Variants in EFNA5 observed in about 807,000 individuals in gnomAD.
EFNA5 encodes ephrin A5.
A neutral mutation model predicts 22.9 loss-of-function variants in EFNA5; 5 were observed. That is an observed-to-expected ratio of 0.22 (90% CI 0.11 to 0.46). EFNA5 has a LOEUF of 0.46. Among genes scored for constraint, EFNA5 ranks in the 20% least tolerant of loss-of-function variants. EFNA5 has a pLI of 0.99. For synonymous variants in EFNA5, 113 were observed against 112.2 expected, an observed-to-expected ratio of 1.01 and a Z score of -0.04; for missense variants, 237 against 293.3, an observed-to-expected ratio of 0.81 and a Z score of 1.40.
At chr5:107,516,718 A>G (rs1006608615) in intron 1 of EFNA5, among the ~76,000 whole-genome samples, 1 of 152,202 alleles carries the variant, frequency 6.6e-6, no homozygotes, top group African/African-American at 2.4e-5. Context: ...AATCTAAACC[A>G]TGTGTGACAG....
chr5:107,471,745 G>A (rs569308029), intron 1 of EFNA5, among the ~76,000 whole-genome samples: 1 of 152,300 alleles, frequency 6.6e-6, no homozygotes, highest in East Asian at 1.9e-4. Flanking sequence ...TACAACAGCT[G>A]AAAAGATGTA....
At chr5:107,667,126 T>A (rs936560870) in intron 1 of EFNA5, among the ~76,000 whole-genome samples, 1 of 152,106 alleles carries the variant, frequency 6.6e-6, no homozygotes, top group East Asian at 1.9e-4. Context: ...GTAAAACTTA[T>A]ACAAGTTTTC....
At chr5:107,494,431 GC>G (rs994720997) in intron 1 of EFNA5, among the ~76,000 whole-genome samples, 1 of 152,218 alleles carries the variant, frequency 6.6e-6, no homozygotes, top group African/African-American at 2.4e-5. Context: ...AGCAGCGCCA[GC>G]CCACTGGCGC....
At chr5:107,404,922 T>A (rs1372180128) in intron 2 of EFNA5, among the ~76,000 whole-genome samples, 1 of 152,206 alleles carries the variant, frequency 6.6e-6, no homozygotes, top group Non-Finnish European at 1.5e-5. Context: ...CTATGCATAT[T>A]TTCTAATCAG....
intron 1 of EFNA5, among the ~76,000 whole-genome samples, chr5:107,562,225 T>G (rs561776434): frequency 6.6e-6 from 1 of 152,202 alleles, no homozygotes; most frequent in Admixed American, 6.5e-5. Context: ...TGCCACAATG[T>G]TTACAAGCTC....
At position 107,377,053 on chromosome 5, in the gene EFNA5, A is replaced by C. The variant is rs1747282167; in HGVS notation, c.*4202T>G. 1 of 151,902 alleles carries C rather than the reference A, an allele frequency of 6.6e-6. No individual in the cohort carries two copies. The highest frequency in any genetic ancestry group is 1.5e-5 in the Non-Finnish European group (1 of 68,012). The allele number at this position is 151,902 out of a possible 1,614,324, so 9.4% of individuals were successfully genotyped here. A position where few individuals can be genotyped will look rare whatever the true frequency, so the allele number is the denominator to read the frequency against. ...CAGCATTTCAAAACAGCACTCGATGAGTAAGTGCAAAGGAACTGCAAAGCA... is the reference window on the plus strand; with the variant it reads ...CAGCATTTCAAAACAGCACTCGATGCGTAAGTGCAAAGGAACTGCAAAGCA... On this transcript the variant is annotated 3_prime_UTR_variant, in exon 5 of 5. Transcript: ENST00000333274.
At chr5:107,534,674 A>G (rs559612913) in intron 1 of EFNA5, among the ~76,000 whole-genome samples, 11 of 152,208 alleles carry the variant, frequency 7.2e-5, no homozygotes, top group Non-Finnish European at 1.5e-4. Flanking sequence ...AGAAGTGCCA[A>G]ACCTTAACCT....
intron 1 of EFNA5, among the ~76,000 whole-genome samples, chr5:107,445,907 T>C (rs1561389536): frequency 6.6e-6 from 1 of 152,236 alleles, no homozygotes; most frequent in South Asian, 2.1e-4. Context: ...TTCAACTTTA[T>C]CTTCATTTTT....
intron 1 of EFNA5, among the ~76,000 whole-genome samples, chr5:107,486,232 G>A (rs1457204387): frequency 6.6e-6 from 1 of 152,112 alleles, no homozygotes; most frequent in Non-Finnish European, 1.5e-5. Context: ...GAGCACCCAG[G>A]CCCTGCTAGA....
At chr5:107,401,510 A>T (rs1406156621) in intron 2 of EFNA5, among the ~76,000 whole-genome samples, 1 of 152,254 alleles carries the variant, frequency 6.6e-6, no homozygotes, top group Non-Finnish European at 1.5e-5. Flanking sequence ...TTTGAAGAAC[A>T]GCCTCTCCCC....
rs78487221 is a variant in EFNA5, at chr5:107,578,721, C to G, written c.125+91768G>C. Among the ~76,000 whole-genome samples, 466 of 152,196 alleles carry G rather than the reference C, an allele frequency of 3.1e-3. 4 individuals carry two copies. Among genetic ancestry groups the G allele is most frequent in the African/African-American group, 0.011 (455 of 41,520 alleles). ...TTCTCCCCAAACACACACACTCATACCCATGTACATTTGCCAAGCAGAATT... is the reference window on the plus strand; with the variant it reads ...TTCTCCCCAAACACACACACTCATAGCCATGTACATTTGCCAAGCAGAATT... On this transcript the variant is annotated intron_variant, in intron 1 of 4. Coordinates refer to ENST00000333274, the MANE Select transcript of EFNA5 (RefSeq NM_001962.3).
intron 1 of EFNA5, among the ~76,000 whole-genome samples, chr5:107,647,057 C>A (rs1392526237): frequency 6.6e-6 from 1 of 151,788 alleles, no homozygotes; most frequent in Non-Finnish European, 1.5e-5. Flanking sequence ...AAAATTTTTT[C>A]AAAAATAGCA....
At chr5:107,608,204 C>T (rs961519677) in intron 1 of EFNA5, among the ~76,000 whole-genome samples, 1 of 152,130 alleles carries the variant, frequency 6.6e-6, no homozygotes, top group Non-Finnish European at 1.5e-5. Flanking sequence ...ATGACAGATG[C>T]CGGCCTCTAG....
intron 1 of EFNA5, among the ~76,000 whole-genome samples, chr5:107,444,367 C>A (rs1561388780): frequency 6.6e-6 from 1 of 152,232 alleles, no homozygotes; most frequent in Non-Finnish European, 1.5e-5. Context: ...CCATTAGAAT[C>A]CTCGCTGACT....
chr5:107,572,944 G>A (rs987999446), intron 1 of EFNA5, among the ~76,000 whole-genome samples: 1 of 152,118 alleles, frequency 6.6e-6, no homozygotes, highest in Non-Finnish European at 1.5e-5. Flanking sequence ...TGGCTTGTGT[G>A]TTAAGCTCAT....
At chr5:107,476,058 T>A (rs6896097) in intron 1 of EFNA5, among the ~76,000 whole-genome samples, 1,928 of 40,566 alleles carry the variant, frequency 0.048, 371 homozygotes, top group African/African-American at 0.06. Context: ...ATATATATAT[T>A]TTTTTTTTTT....
At chr5:107,419,861 A>G (rs548957954) in intron 2 of EFNA5, among the ~76,000 whole-genome samples, 3 of 152,220 alleles carry the variant, frequency 2.0e-5, no homozygotes, top group African/African-American at 7.2e-5. Context: ...TAACAAAAGT[A>G]AAATGCACAC....
chr5:107,515,245 C>G (rs1049199818), intron 1 of EFNA5, among the ~76,000 whole-genome samples: 4 of 151,504 alleles, frequency 2.6e-5, no homozygotes, highest in African/African-American at 9.7e-5. Flanking sequence ...ACCATGTTGG[C>G]CAGGCTGGTC....
chr5:107,482,308 C>CAAAA (rs11400186), intron 1 of EFNA5, among the ~76,000 whole-genome samples: 9,954 of 136,998 alleles, frequency 0.073, 442 homozygotes, highest in East Asian at 0.13. Context: ...GATCTTGTCT[C>CAAAA]AAAAAAAAAA....
Sources: allele counts gnomAD v4.1 joint callset (sites outside exome capture counted in the v4.1 genomes callset), GRCh38; gene constraint gnomAD v4.1.1; transcripts MANE v1.5; gene names NCBI Gene and HGNC (gene_info 2026-07-23, HGNC 2026-07-21).